Variants in PDE1A observed in about 807,000 individuals in gnomAD.
PDE1A encodes the protein phosphodiesterase 1A, also known as dual specificity calcium/calmodulin-dependent 3',5'-cyclic nucleotide phosphodiesterase 1A.
Under a neutral mutation model 61.7 loss-of-function variants are expected in PDE1A, and 35 were observed. The ratio of observed to expected loss-of-function variants is 0.57; its 90% CI spans 0.43 to 0.75. PDE1A has a LOEUF of 0.75. Ranked by LOEUF, PDE1A falls within the 30% of genes least tolerant of loss-of-function variation. The pLI is 0.00. For synonymous variants in PDE1A, 232 were observed against 213.2 expected (o/e 1.09, Z -0.77); for missense variants, 597 against 630.6 (o/e 0.95, Z 0.57).
At chr2:182,704,189 C>CAAGAGAGA in the PDE1A span, among the ~76,000 whole-genome samples, 1 of 124,808 alleles carries the variant, frequency 8.0e-6, no homozygotes, top group Non-Finnish European at 1.6e-5. Flanking sequence ...CCAGTCTCAG[C>CAAGAGAGA]AAGAGAGAGA....
At chr2:182,565,054 G>A in the PDE1A span, among the ~76,000 whole-genome samples, 11 of 152,254 alleles carry the variant, frequency 7.2e-5, no homozygotes, top group Admixed American at 3.9e-4. Context: ...CTCTCAACTC[G>A]TCAAAGTCAT....
At chr2:182,606,075 C>A in the PDE1A span, among the ~76,000 whole-genome samples, 1 of 152,152 alleles carries the variant, frequency 6.6e-6, no homozygotes, top group Admixed American at 6.5e-5. Context: ...GACTTTATTA[C>A]AATGACTGTG....
intron 2 of PDE1A, among the ~76,000 whole-genome samples, chr2:182,450,155 G>A (rs1421572237): frequency 1.3e-5 from 2 of 151,926 alleles, no homozygotes; most frequent in African/African-American, 4.8e-5. Flanking sequence ...ATCATCACTG[G>A]TATTATCTTT....
chr2:182,548,046 T>C, the PDE1A span, among the ~76,000 whole-genome samples: 1 of 152,178 alleles, frequency 6.6e-6, no homozygotes, highest in Non-Finnish European at 1.5e-5. Context: ...TACCATTTAA[T>C]TCCTATCACA....
chr2:182,221,436 A>T (rs139543947), intron 7 of PDE1A, among the ~76,000 whole-genome samples: 3 of 152,228 alleles, frequency 2.0e-5, no homozygotes, highest in African/African-American at 7.2e-5. Flanking sequence ...AAGCAAAATG[A>T]TCTGCATAGT....
chr2:182,583,235 A>G, the PDE1A span, among the ~76,000 whole-genome samples: 64 of 152,316 alleles, frequency 4.2e-4, no homozygotes, highest in African/African-American at 1.5e-3. Flanking sequence ...TTACGCATTT[A>G]ATAAGAATTG....
intron 1 of PDE1A, among the ~76,000 whole-genome samples, chr2:182,376,026 C>T (rs1243633375): frequency 7.9e-5 from 12 of 152,202 alleles, no homozygotes; most frequent in Admixed American, 6.5e-4. Flanking sequence ...CTGGGCCCTG[C>T]CCATGAAACC....
intron 7 of PDE1A, among the ~76,000 whole-genome samples, chr2:182,212,887 G>T (rs563591697): frequency 1.3e-5 from 2 of 151,996 alleles, no homozygotes; most frequent in African/African-American, 2.4e-5. Context: ...CAAAGCAGCC[G>T]GGAAGCTCGA....
intron 1 of PDE1A, among the ~76,000 whole-genome samples, chr2:182,374,929 G>A (rs947764679): frequency 6.6e-6 from 1 of 152,160 alleles, no homozygotes; most frequent in Non-Finnish European, 1.5e-5. Flanking sequence ...CGTCTTACAT[G>A]GATGGCAGCA....
intron 2 of PDE1A, among the ~76,000 whole-genome samples, chr2:182,469,514 T>C (rs1686889517): frequency 6.6e-6 from 1 of 151,994 alleles, no homozygotes; most frequent in Non-Finnish European, 1.5e-5. Context: ...GCTGGTTTGA[T>C]CAACTATCCA....
At chr2:182,142,545 A>G (rs966462659), downstream of PDE1A, 2 of 152,188 alleles carry the variant, frequency 1.3e-5, no homozygotes, top group Non-Finnish European at 2.9e-5. Context: ...GTTCCCATGC[A>G]TTTAAAATAA....
At chr2:182,627,256 ATTAT>A in the PDE1A span, among the ~76,000 whole-genome samples, 1,345 of 31,740 alleles carry the variant, frequency 0.042, 4 homozygotes, top group Admixed American at 0.063. Context: ...TAAATAATAT[ATTAT>A]TTATATATAA....
intron 1 of PDE1A, among the ~76,000 whole-genome samples, chr2:182,287,505 C>T (rs1279049539): frequency 6.6e-6 from 1 of 152,060 alleles, no homozygotes; most frequent in Non-Finnish European, 1.5e-5. Context: ...AACTCTATTA[C>T]CTAGAATACT....
the PDE1A span, among the ~76,000 whole-genome samples, chr2:182,532,957 A>AAAAAAC: frequency 1.1e-4 from 16 of 149,316 alleles, no homozygotes; most frequent in East Asian, 3.0e-3. Flanking sequence ...AAAAAAAAAA[A>AAAAAAC]AAAAAAAAAA....
At chr2:182,413,800 G>GT (rs1381243286) in intron 1 of PDE1A, among the ~76,000 whole-genome samples, 2 of 152,168 alleles carry the variant, frequency 1.3e-5, no homozygotes, top group Admixed American at 6.5e-5. Flanking sequence ...TCCTGTGTCT[G>GT]TGTGTGTCTG....
chr2:182,628,999 A>C, the PDE1A span, among the ~76,000 whole-genome samples: 2 of 152,170 alleles, frequency 1.3e-5, no homozygotes, highest in Non-Finnish European at 2.9e-5. Context: ...TCCTGCTGGC[A>C]CTGAAGAAGC....
At chr2:182,515,788 C>T (rs1690093332) in intron 2 of PDE1A, among the ~76,000 whole-genome samples, 2 of 152,220 alleles carry the variant, frequency 1.3e-5, no homozygotes, top group South Asian at 2.1e-4. Context: ...CCAGTAAATA[C>T]CCTCCATCTC....
intron 1 of PDE1A, among the ~76,000 whole-genome samples, chr2:182,331,425 G>A (rs183473367): frequency 1.7e-4 from 26 of 152,204 alleles, no homozygotes; most frequent in Middle Eastern, 3.4e-3. Context: ...AATAGTTGAC[G>A]CAGTTTCTTC....
chr2:182,208,514 T>G (rs147172236), intron 7 of PDE1A, among the ~76,000 whole-genome samples: 1 of 152,118 alleles, frequency 6.6e-6, no homozygotes, highest in African/African-American at 2.4e-5. Flanking sequence ...TGAGATGAGA[T>G]TTGGTGGGGA....
Sources: gnomAD v4.1 joint callset for allele counts (sites outside exome capture counted in the v4.1 genomes callset) on GRCh38, gnomAD v4.1.1 for gene constraint, MANE v1.5 for transcripts, NCBI Gene and HGNC (gene_info 2026-07-23, HGNC 2026-07-21) for gene names.